Variants in PIAS1 observed in about 807,000 individuals in gnomAD.
The protein encoded by PIAS1 is E3 SUMO-protein ligase PIAS1.
In PIAS1, 6 loss-of-function variants were observed where a neutral mutation model predicts 71.3. The ratio of observed to expected loss-of-function variants is 0.08; its 90% confidence interval spans 0.05 to 0.17. PIAS1 has a LOEUF of 0.17. Among genes scored for constraint, PIAS1 ranks in the 10% least tolerant of loss-of-function variants. PIAS1 has a pLI of 1.00. For synonymous variants in PIAS1, 303 were observed against 292.9 expected (o/e 1.03, Z -0.35); for missense variants, 555 against 793.6 (o/e 0.70, Z 3.61).
At chr15:68,094,687 G>A (rs1490658826) in intron 2 of PIAS1, among the ~76,000 whole-genome samples, 1 of 152,086 alleles carries the variant, frequency 6.6e-6, no homozygotes, top group Non-Finnish European at 1.5e-5. Context: ...TATTAGAAAG[G>A]GCATTCAAAG....
intron 2 of PIAS1, among the ~76,000 whole-genome samples, chr15:68,120,089 C>T (rs971476349): frequency 2.0e-5 from 3 of 152,204 alleles, no homozygotes; most frequent in Non-Finnish European, 4.4e-5. Flanking sequence ...ACTACAGGCC[C>T]ATGCCACCAT....
intron 8 of PIAS1, among the ~76,000 whole-genome samples, chr15:68,165,376 C>A (rs867141804): frequency 5.9e-5 from 9 of 152,162 alleles, no homozygotes; most frequent in African/African-American, 2.2e-4. Context: ...CCGCCTTGGA[C>A]TCCCAAAGTG....
At chr15:68,148,057 A>C (rs2092820551) in intron 6 of PIAS1, among the ~76,000 whole-genome samples, 2 of 152,206 alleles carry the variant, frequency 1.3e-5, no homozygotes, top group African/African-American at 4.8e-5. Flanking sequence ...CCTGTGATGT[A>C]GGGGCCTGGT....
chr15:68,150,462 A>G (rs2092836988), intron 6 of PIAS1, among the ~76,000 whole-genome samples: 2 of 152,336 alleles, frequency 1.3e-5, no homozygotes, highest in African/African-American at 4.8e-5. Context: ...TACTGTTTTA[A>G]TTCAGCTTGT....
chr15:68,146,473 A>G (rs2092808919), intron 5 of PIAS1, 93 bp from the exon 6 acceptor site: 3 of 802,428 alleles, frequency 3.7e-6, no homozygotes, highest in Non-Finnish European at 6.0e-6. Context: ...CATATTTTCT[A>G]GTATGCAGTT....
In PIAS1 at chr15:68,146,592, C is replaced by T. The variant is rs374933759; in HGVS notation, c.720C>T (p.Gly240=). 43 of 1,611,864 alleles carry T rather than the reference C, an allele frequency of 2.7e-5. No homozygotes were observed. The highest frequency in any genetic ancestry group is 8.8e-5 in the South Asian group (8 of 90,944). Residue 240 remains glycine (G), a synonymous_variant, in exon 6 of 14, where the codon GGC becomes GGT. Transcript: ENST00000249636. ...LPGYLPPTKN[G]VEPKRPSRPI... ...GTTACCTTCCACCTACAAAAAATGGCGTGGAACCAAAGCGACCCAGCCGAC... is the reference window on the plus strand; with the variant it reads ...GTTACCTTCCACCTACAAAAAATGGTGTGGAACCAAAGCGACCCAGCCGAC...
intron 2 of PIAS1, among the ~76,000 whole-genome samples, chr15:68,109,168 CT>C (rs2092500233): frequency 6.6e-6 from 1 of 152,152 alleles, no homozygotes. Flanking sequence ...TGAGTGTTTT[CT>C]TTACCTGGAA....
intron 2 of PIAS1, among the ~76,000 whole-genome samples, chr15:68,125,883 A>G (rs952276195): frequency 1.3e-5 from 2 of 152,092 alleles, no homozygotes; most frequent in African/African-American, 4.8e-5. Context: ...TATTTTTTGT[A>G]GAGACAGGTT....
chr15:68,129,683 T>A (rs753496001), intron 2 of PIAS1, among the ~76,000 whole-genome samples: 12 of 152,116 alleles, frequency 7.9e-5, no homozygotes, highest in Non-Finnish European at 1.2e-4. Flanking sequence ...ATATAGTGGA[T>A]ACTTTGCAGA....
intron 6 of PIAS1, 105 bp downstream of exon 6, chr15:68,146,805 G>C (rs1161553723): frequency 2.4e-6 from 2 of 844,342 alleles, no homozygotes; most frequent in Admixed American, 4.7e-5. Flanking sequence ...GCTGCAAAAG[G>C]ATTTATTTTT....
At chr15:68,061,494 T>C (rs1329887171) in intron 1 of PIAS1, 1 of 152,172 alleles carries the variant, frequency 6.6e-6, no homozygotes, top group Non-Finnish European at 1.5e-5. Context: ...TTCGTCAAAA[T>C]GAAGAAACCA....
At chr15:68,113,256 T>C (rs765653021) in intron 2 of PIAS1, among the ~76,000 whole-genome samples, 22 of 152,178 alleles carry the variant, frequency 1.4e-4, no homozygotes, top group Non-Finnish European at 2.5e-4. Context: ...TAGAAGATTG[T>C]ATACCAAAAT....
At chr15:68,060,199 T>C (rs2091942419) in intron 1 of PIAS1, among the ~76,000 whole-genome samples, 1 of 152,190 alleles carries the variant, frequency 6.6e-6, no homozygotes. Flanking sequence ...TTGGAAATTA[T>C]ATCACAGTGA....
Position 68,083,892 on chromosome 15 carries a change from T to C in PIAS1, c.25-2414T>C, listed in dbSNP as rs1441510338. ...TAAATAACAAACAAAACTAAAAAGC[T>C]TGGCTTGCTGATAGCAGCTACTATT... On this transcript the variant is annotated intron_variant, in intron 1 of 13. Transcript: ENST00000249636. Among the ~76,000 whole-genome samples, 4 of 151,968 alleles carry C rather than the reference T, an allele frequency of 2.6e-5. No individual in the cohort carries two copies. The East Asian group carries it at 5.8e-4, about 22-fold the overall frequency.
chr15:68,057,637 A>G (rs923530642), intron 1 of PIAS1: 33 of 292,952 alleles, frequency 1.1e-4, no homozygotes, highest in Admixed American at 2.5e-4. Context: ...TAGCTACTTA[A>G]TTTTGATCCT....
At position 68,187,750 on chromosome 15, in the gene PIAS1, G is replaced by A. The variant is rs755165692; in HGVS notation, c.1871G>A (p.Ser624Asn). ...SLVSSNSLRE[S>N]HSHTVTNRSS... ...GTTTCTTCCAACAGCCTAAGGGAAA[G>A]CCATAGCCACACCGTCACAAACAGG... Residue 624 changes from serine to asparagine, a missense_variant, in exon 14 of 14, where the codon AGC becomes AAC. Ser to Asn is a conservative substitution (Grantham distance 46). Around this residue, in one of 5 missense-constraint regions of PIAS1, gnomAD observed 244 missense variants for 307.5 expected, o/e 0.79. Coordinates refer to ENST00000249636, the MANE Select transcript of PIAS1 (RefSeq NM_016166.3). The surrounding 1 kb of genome is among the most constrained non-coding windows in gnomAD (Gnocchi z 5.3). 6.2e-7 allele frequency: 1 copy of A among 1,613,976 alleles called. No homozygotes were observed. The highest frequency in any genetic ancestry group is 1.7e-5 in the Admixed American group (1 of 60,010).
At position 68,185,425 on chromosome 15, in the gene PIAS1, T is replaced by C. The variant is rs1299307167; in HGVS notation, c.1662+1758T>C. On this transcript the variant is annotated intron_variant, in intron 13 of 13. Transcript: ENST00000249636. This position sits in a 1 kb window ranked among gnomAD's most constrained non-coding sequence, Gnocchi z 4.4. ...GAGGTTGCAGAAATGGACAAGGCTGTGGTTGACATGGCAAACAACTTTAAC... is the reference window on the plus strand; with the variant it reads ...GAGGTTGCAGAAATGGACAAGGCTGCGGTTGACATGGCAAACAACTTTAAC... Among the ~76,000 whole-genome samples the C allele has an allele frequency of 6.6e-6, 1 of 152,206 alleles. No homozygotes were observed. Among genetic ancestry groups the C allele is most frequent in the East Asian group, 1.9e-4 (1 of 5,194 alleles).
At chr15:68,175,838 A>G in intron 10 of PIAS1, 71 bp downstream of exon 10, 1 of 1,071,972 alleles carries the variant, frequency 9.3e-7, no homozygotes, top group Non-Finnish European at 1.3e-6. Context: ...ATTAAAATCC[A>G]TATATTTTTA....
chr15:68,179,482 A>G (rs1026359867), intron 11 of PIAS1, among the ~76,000 whole-genome samples: 1 of 150,680 alleles, frequency 6.6e-6, no homozygotes, highest in Non-Finnish European at 1.5e-5. Flanking sequence ...TATGCTTCAT[A>G]TCCCATTCAT....
Sources: gnomAD v4.1 joint callset for allele counts (sites outside exome capture counted in the v4.1 genomes callset) on GRCh38, gnomAD v4.1.1 for gene constraint, gnomAD v4.1.1 regional missense constraint, Gnocchi (gnomAD v3.1) non-coding constraint, MANE v1.5 for transcripts, NCBI Gene and HGNC (gene_info 2026-07-23, HGNC 2026-07-21) for gene names.